Variants in LCORL observed in about 807,000 individuals in gnomAD.
LCORL encodes the protein ligand dependent nuclear receptor corepressor like.
Under a neutral mutation model 141.8 loss-of-function variants are expected in LCORL, and 41 were observed. The observed-to-expected ratio is 0.29, with a 90% CI of 0.23 to 0.38. The LOEUF is 0.38. Among genes scored for constraint, LCORL ranks in the 10% least tolerant of loss-of-function variants. The pLI is 1.00. For missense variants in LCORL, 1,759 were observed against 2,035.0 expected (o/e 0.86, Z 2.61); for synonymous variants, 618 against 694.1 (o/e 0.89, Z 1.72).
At chr4:17,941,125 C>T (rs980045579) in intron 4 of LCORL, among the ~76,000 whole-genome samples, 1 of 152,110 alleles carries the variant, frequency 6.6e-6, no homozygotes, top group Non-Finnish European at 1.5e-5. Context: ...GCCTGTAATG[C>T]CAGCACTTTG....
At chr4:17,979,619 T>C (rs1717621783) in intron 1 of LCORL, among the ~76,000 whole-genome samples, 1 of 152,240 alleles carries the variant, frequency 6.6e-6, no homozygotes, top group Non-Finnish European at 1.5e-5. Flanking sequence ...AGTCTGTTTC[T>C]GCAGTCTGAT....
At chr4:17,873,812 G>A in exon 7 of LCORL, 1 of 1,233,914 alleles carries the variant, frequency 8.1e-7, no homozygotes, top group Non-Finnish European at 1.0e-6. Flanking sequence ...ATATTCTACA[G>A]TCTTTTAAGG....
At chr4:17,921,013 GTTCTTTTTTTAATTTAT>G in intron 4 of LCORL, among the ~76,000 whole-genome samples, 1 of 152,162 alleles carries the variant, frequency 6.6e-6, no homozygotes, top group South Asian at 2.1e-4. Flanking sequence ...AATCAGTAAT[GTTCTTTTTTTAATTTAT>G]TTTTTATTTT....
chr4:17,857,412 C>A (rs1232342173), intron 7 of LCORL, among the ~76,000 whole-genome samples: 3 of 152,132 alleles, frequency 2.0e-5, no homozygotes, highest in Non-Finnish European at 2.9e-5. Context: ...TTTCTGGAGG[C>A]TATATATAGC....
intron 1 of LCORL, among the ~76,000 whole-genome samples, chr4:17,988,622 C>A (rs562745882): frequency 7.1e-6 from 1 of 140,636 alleles, no homozygotes; most frequent in African/African-American, 3.0e-5. Context: ...TAATAAAGGT[C>A]TAGCACATTG....
At chr4:17,953,444 T>C (rs944019986) in intron 4 of LCORL, among the ~76,000 whole-genome samples, 6 of 152,196 alleles carry the variant, frequency 3.9e-5, no homozygotes, top group Admixed American at 6.5e-5. Context: ...CCAAAGGATA[T>C]TAGGGATGTA....
At chr4:17,896,245 GTCTTTCTT>G (rs753778008) in intron 5 of LCORL, among the ~76,000 whole-genome samples, 1 of 152,010 alleles carries the variant, frequency 6.6e-6, no homozygotes, top group African/African-American at 2.4e-5. Flanking sequence ...GTGAAACAAT[GTCTTTCTT>G]TCTTTCTTTT....
At chr4:17,939,483 G>A (rs1405644751) in intron 4 of LCORL, among the ~76,000 whole-genome samples, 1 of 152,014 alleles carries the variant, frequency 6.6e-6, no homozygotes, top group Non-Finnish European at 1.5e-5. Flanking sequence ...CATGAGAAAT[G>A]GAACAGATGT....
intron 4 of LCORL, among the ~76,000 whole-genome samples, chr4:17,934,040 C>A (rs1302053306): frequency 1.3e-5 from 2 of 152,012 alleles, no homozygotes; most frequent in African/African-American, 4.8e-5. Context: ...TTTTAAGACT[C>A]TTCCTTTTTA....
intron 6 of LCORL, chr4:17,883,208 A>G: frequency 1.0e-6 from 1 of 981,788 alleles, no homozygotes; most frequent in Non-Finnish European, 1.2e-6. Context: ...TACTGTATAT[A>G]TTAATTTTTC....
intron 4 of LCORL, among the ~76,000 whole-genome samples, chr4:17,910,029 T>C (rs1011833854): frequency 6.6e-6 from 1 of 152,198 alleles, no homozygotes; most frequent in Non-Finnish European, 1.5e-5. Context: ...AATTTACTTC[T>C]AAATATTTCA....
intron 4 of LCORL, among the ~76,000 whole-genome samples, chr4:17,928,813 A>G (rs1248405693): frequency 6.6e-6 from 1 of 152,198 alleles, no homozygotes; most frequent in Non-Finnish European, 1.5e-5. Flanking sequence ...TATAGAAATA[A>G]TATAATCTTG....
At chr4:17,967,746 T>G (rs2109638797) in intron 2 of LCORL, among the ~76,000 whole-genome samples, 1 of 152,332 alleles carries the variant, frequency 6.6e-6, no homozygotes, top group South Asian at 2.1e-4. Context: ...ATGAATATAC[T>G]CAGGTAAGTC....
intron 7 of LCORL, among the ~76,000 whole-genome samples, chr4:17,852,432 T>C (rs6842303): frequency 6.6e-6 from 1 of 151,916 alleles, no homozygotes; most frequent in Non-Finnish European, 1.5e-5. Context: ...ATCTTACAGA[T>C]TTGTTGTGAC....
rs896539851 is a variant in LCORL, at chr4:17,906,303, C to T, written c.682+2791G>A. 1.2e-4 allele frequency among the ~76,000 whole-genome samples: 19 copies of T among 152,294 alleles called. No homozygotes were observed. The Middle Eastern group carries it at 0.01, about 82-fold the overall frequency. On this transcript the variant is annotated intron_variant, in intron 5 of 7. Transcript: ENST00000635767. ...AAAATCTGATCTTGTTACTTTCAGT[C>T]TGGTAGCTTTCTATGACCCTAAGAA...
intron 1 of LCORL, among the ~76,000 whole-genome samples, chr4:17,982,099 C>CGTGTGTGTGTGTGTGTGTGT (rs57094203): frequency 2.2e-5 from 3 of 136,470 alleles, no homozygotes; most frequent in Admixed American, 7.4e-5. Context: ...AGTATTCCAT[C>CGTGTGTGTGTGTGTGTGTGT]GTGTGTGTGT....
chr4:17,893,410 A>T (rs940221805), intron 5 of LCORL: 1 of 978,914 alleles, frequency 1.0e-6, no homozygotes, highest in Non-Finnish European at 1.2e-6. Context: ...GCAGAAAAAT[A>T]CTTAGTAACA....
At chr4:17,954,014 T>G (rs1397018464) in intron 4 of LCORL, among the ~76,000 whole-genome samples, 1 of 151,830 alleles carries the variant, frequency 6.6e-6, no homozygotes, top group East Asian at 1.9e-4. Context: ...ATACAAAAAA[T>G]TAGCCAGGTG....
chr4:17,976,679 T>C lies in LCORL; in HGVS notation c.155-3794A>G, dbSNP rs897375458. On this transcript the variant is annotated intron_variant, in intron 1 of 7. Coordinates refer to ENST00000635767, the Ensembl canonical transcript of LCORL. ...GACCTATGCTTAAAGATCTACTAGC[T>C]ACCATTTTTCCTAAAAGACAAAATC... 3.9e-5 allele frequency among the ~76,000 whole-genome samples: 6 copies of C among 152,320 alleles called. No individual in the cohort carries two copies. The East Asian group carries it at 1.2e-3, about 29-fold the overall frequency.
Sources: gnomAD v4.1 joint callset for allele counts (sites outside exome capture counted in the v4.1 genomes callset) on GRCh38, gnomAD v4.1.1 for gene constraint, MANE v1.5 for transcripts, NCBI Gene and HGNC (gene_info 2026-07-23, HGNC 2026-07-21) for gene names.